Variants in TRAM1L1 observed in about 807,000 individuals in gnomAD.
TRAM1L1 encodes the protein translocation associated membrane protein 1 like 1.
For missense variants in TRAM1L1, 451 were observed against 439.9 expected (o/e 1.03, Z -0.23); for synonymous variants, 189 against 163.6 (o/e 1.16, Z -1.18).
At position 117,084,961 on chromosome 4, in the gene TRAM1L1, A is replaced by G. The variant is rs1732422648; in HGVS notation, c.433T>C (p.Cys145Arg). The change falls in exon 1 of 1, where the codon TGC becomes CGC. Residue 145 changes from cysteine to arginine, a missense_variant. Coordinates refer to ENST00000310754, the MANE Select transcript of TRAM1L1 (RefSeq NM_152402.3). ...CATATAAGAGTTGGGTCTGACAGGCAGTTTTCAGAGATTAAAATGAATGTG... is the reference window on the plus strand; with the variant it reads ...CATATAAGAGTTGGGTCTGACAGGCGGTTTTCAGAGATTAAAATGAATGTG... ...WGTFILISENCLSDPTLIWKA... is the reference protein window; with the variant it reads ...WGTFILISENRLSDPTLIWKA... The G allele has an allele frequency of 6.2e-7, 1 of 1,614,162 alleles. No individual in the cohort carries two copies. The highest frequency in any genetic ancestry group is 2.2e-5 in the East Asian group (1 of 44,856).
rs1212465011 is a variant in TRAM1L1, at chr4:117,084,580, C to T, written c.814G>A (p.Val272Ile). 3 of 1,614,214 alleles carry T rather than the reference C, an allele frequency of 1.9e-6. No individual in the cohort carries two copies. Among genetic ancestry groups the T allele is most frequent in the South Asian group, 2.2e-5 (2 of 91,084 alleles). ...TGCGATCCAGCCAGGTGAAACCCAA[C>T]AGTGAGTACGGAAACAATTAAAGTC... ...LVTLIVSVLT[V>I]GFHLAGSQNR... The change falls in exon 1 of 1, where the codon GTT becomes ATT. Residue 272 changes from valine to isoleucine, a missense_variant. Coordinates refer to ENST00000310754, the MANE Select transcript of TRAM1L1 (RefSeq NM_152402.3).
Position 117,084,766 on chromosome 4 carries a change from C to G in TRAM1L1, c.628G>C (p.Ala210Pro). 1 of 1,614,136 alleles carries G rather than the reference C, an allele frequency of 6.2e-7. No homozygotes were observed. Among genetic ancestry groups the G allele is most frequent in the Non-Finnish European group, 8.5e-7 (1 of 1,180,030 alleles). The change falls in exon 1 of 1, where the codon GCT becomes CCT. Residue 210 changes from alanine to proline, a missense_variant. Physicochemically the swap from Ala to Pro is conservative, Grantham distance 27. Transcript: ENST00000310754. Reference sequence around the variant, plus strand: ...AAATGATTCAAGTACAAGAGATAAGCTCCAGTAATGTGGAAGAGGTGAAGA... The same window carrying G: ...AAATGATTCAAGTACAAGAGATAAGGTCCAGTAATGTGGAAGAGGTGAAGA... The part of the protein sequence containing the change: ...IGLHLFHITG[A>P]YLLYLNHLGL...
Position 117,084,225 on chromosome 4 carries a change from A to C in TRAM1L1, c.*59T>G. 2.7e-6 allele frequency: 4 copies of C among 1,499,386 alleles called. No individual in the cohort carries two copies. Among genetic ancestry groups the C allele is most frequent in the Non-Finnish European group, 3.6e-6 (4 of 1,121,254 alleles). The allele number at this position is 1,499,386 out of a possible 1,614,324, so 92.9% of individuals were successfully genotyped here. On this transcript the variant is annotated 3_prime_UTR_variant, in exon 1 of 1. Transcript: ENST00000310754. ...TCAAAAACAGAAAAATCTCTAGTGC[A>C]GAAAGAAACCTCAAAGAGCAGATTC...
At position 117,085,216 on chromosome 4, in the gene TRAM1L1, G is replaced by C; in HGVS notation, c.178C>G (p.Pro60Ala). The change falls in exon 1 of 1, where the codon CCT (proline) becomes GCT (alanine). Residue 60 changes from proline (P) to alanine (A), a missense_variant. By Grantham distance (27) the Pro-to-Ala change is conservative (BLOSUM62 -1). Coordinates refer to ENST00000310754, the MANE Select transcript of TRAM1L1 (RefSeq NM_152402.3). ...CCCGTGGCTTGTTCCTCTGCTGCAG[G>C]GACAGCAACACTGTGCTGAAGAGTG... is the stretch of plus-strand genomic sequence containing the variant. ...FLTLQHSVAV[P>A]AAEEQATGSK... 1 of 1,614,068 alleles carries C rather than the reference G, an allele frequency of 6.2e-7. No individual in the cohort carries two copies. Among genetic ancestry groups the C allele is most frequent in the Non-Finnish European group, 8.5e-7 (1 of 1,180,014 alleles).
Position 117,084,478 on chromosome 4 carries a change from T to C in TRAM1L1, c.916A>G (p.Thr306Ala), listed in dbSNP as rs1303012910. 8 of 1,614,158 alleles carry C rather than the reference T, an allele frequency of 5.0e-6. No individual in the cohort carries two copies. Among genetic ancestry groups the C allele is most frequent in the Non-Finnish European group, 5.9e-6 (7 of 1,180,034 alleles). The part of the protein sequence containing the change: ...AKIAVLSSSC[T>A]IQAYVTWNLI... ...TTCCATGTTACGTAGGCTTGGATCG[T>C]GCAACTGGACGACAGAACAGCAATT... The change falls in exon 1 of 1, where the codon ACG (threonine) becomes GCG (alanine). Residue 306 changes from threonine (T) to alanine (A), a missense_variant. Thr to Ala is a moderately conservative substitution (Grantham distance 58, BLOSUM62 0). Transcript: ENST00000310754.
In TRAM1L1 at chr4:117,085,516, G is replaced by C; in HGVS notation, c.-123C>G. Reference sequence around the variant, plus strand: ...CTTCCCATCCCGAAGTCAGTCCCGGGTCGCAGCGGCCGCCCAGAAAAAAAA... The same window carrying C: ...CTTCCCATCCCGAAGTCAGTCCCGGCTCGCAGCGGCCGCCCAGAAAAAAAA... On this transcript the variant is annotated 5_prime_UTR_variant, in exon 1 of 1. Coordinates refer to ENST00000310754, the MANE Select transcript of TRAM1L1 (RefSeq NM_152402.3). 1.5e-6 allele frequency: 2 copies of C among 1,354,582 alleles called. No individual in the cohort carries two copies. Among genetic ancestry groups the C allele is most frequent in the Non-Finnish European group, 2.0e-6 (2 of 1,000,836 alleles). The allele number at this position is 1,354,582 out of a possible 1,614,324, so 83.9% of individuals were successfully genotyped here. A position where few individuals can be genotyped will look rare whatever the true frequency, so the allele number is the denominator to read the frequency against.
Position 117,084,486 on chromosome 4 carries a change from G to A in TRAM1L1, c.908C>T (p.Ser303Phe). 6.2e-7 allele frequency: 1 copy of A among 1,614,104 alleles called. No homozygotes were observed. Among genetic ancestry groups the A allele is most frequent in the Non-Finnish European group, 8.5e-7 (1 of 1,180,024 alleles). Residue 303 changes from serine to phenylalanine, a missense_variant, in exon 1 of 1, where the codon TCC (serine) becomes TTC (phenylalanine). Coordinates refer to ENST00000310754, the MANE Select transcript of TRAM1L1 (RefSeq NM_152402.3). ...TACGTAGGCTTGGATCGTGCAACTG[G>A]ACGACAGAACAGCAATTTTAGCTGC... ...VLAAKIAVLS[S>F]SCTIQAYVTW...
chr4:117,084,837 TG>T lies in TRAM1L1; in HGVS notation c.556del (p.Gln186ArgfsTer30). On this transcript the variant is annotated frameshift_variant, in exon 1 of 1. Transcript: ENST00000310754. LOFTEE classifies it low-confidence loss of function (END_TRUNC). ...WFHAFPELYFQKTKKQDIPRQ... is the reference protein window; with the variant it reads ...WFHAFPELYFXKTKKQDIPRQ... ...AGGGATGTCTTGTTTTTTGGTTTTC[TG>T]GAAGTAGAGTTCAGGAAAAGCATGA... 6.2e-7 allele frequency: 1 copy of T among 1,614,180 alleles called. No homozygotes were observed.
chr4:117,085,554 G>C lies in TRAM1L1; in HGVS notation c.-161C>G. On this transcript the variant is annotated 5_prime_UTR_variant, in exon 1 of 1. Transcript: ENST00000310754. ...CCCAGAAAAAAAATAAATCAAAGGC[G>C]AGGGCCGAGCTGAGCTGAGCATGCG... 1 of 994,306 alleles carries C rather than the reference G, an allele frequency of 1.0e-6. No homozygotes were observed. Among genetic ancestry groups the C allele is most frequent in the South Asian group, 1.7e-5 (1 of 57,628 alleles). The allele number at this position is 994,306 out of a possible 1,614,324, so 61.6% of individuals were successfully genotyped here. A position where few individuals can be genotyped will look rare whatever the true frequency, so the allele number is the denominator to read the frequency against.
At position 117,084,234 on chromosome 4, in the gene TRAM1L1, C is replaced by A; in HGVS notation, c.*50G>T. On this transcript the variant is annotated 3_prime_UTR_variant, in exon 1 of 1. Transcript: ENST00000310754. ...GAAAAATCTCTAGTGCAGAAAGAAA[C>A]CTCAAAGAGCAGATTCCTTTGCAGA... is the stretch of plus-strand genomic sequence containing the variant. 6.6e-7 allele frequency: 1 copy of A among 1,514,128 alleles called. No homozygotes were observed. Among genetic ancestry groups the A allele is most frequent in the Non-Finnish European group, 8.8e-7 (1 of 1,133,214 alleles). The allele number at this position is 1,514,128 out of a possible 1,614,324, so 93.8% of individuals were successfully genotyped here.
rs778613398 is a variant in TRAM1L1, at chr4:117,083,683, T to C, written c.*601A>G. The stretch of plus-strand genomic sequence containing the variant: ...ATATATGGCAGCAAACCTCCATATG[T>C]GTTACCCATTAGTACTGTGTTTTTT... On this transcript the variant is annotated 3_prime_UTR_variant, in exon 1 of 1. Transcript: ENST00000310754. The C allele has an allele frequency of 6.6e-6, 1 of 152,634 alleles. No homozygotes were observed. The highest frequency in any genetic ancestry group is 1.5e-5 in the Non-Finnish European group (1 of 68,032). 9.5% of individuals were successfully genotyped at this position (152,634 alleles called of 1,614,324 possible). A position where few individuals can be genotyped will look rare whatever the true frequency, so the allele number is the denominator to read the frequency against.
At position 117,084,869 on chromosome 4, in the gene TRAM1L1, G is replaced by A; in HGVS notation, c.525C>T (p.Tyr175=). 6.2e-7 allele frequency: 1 copy of A among 1,614,190 alleles called. No individual in the cohort carries two copies. Among genetic ancestry groups the A allele is most frequent in the Non-Finnish European group, 8.5e-7 (1 of 1,180,038 alleles). The change falls in exon 1 of 1, where the codon TAC becomes TAT. Residue 175 remains tyrosine, a synonymous_variant. Transcript: ENST00000310754. ...MKFFYISQLA[Y]WFHAFPELYF... ...AGAGTTCAGGAAAAGCATGAAACCA[G>A]TAAGCCAACTGGGATATGTAGAAAA... is the stretch of plus-strand genomic sequence containing the variant.
rs1380851334 is a variant in TRAM1L1, at chr4:117,085,011, A to T, written c.383T>A (p.Phe128Tyr). The T allele has an allele frequency of 4.3e-6, 7 of 1,613,994 alleles. No individual in the cohort carries two copies. The highest frequency in any genetic ancestry group is 5.9e-6 in the Non-Finnish European group (7 of 1,180,000). ...GCCCCAAATACAAGAAAAAAAGTAGAACACACTAAACTGACCAGACTCGTT... is the reference window on the plus strand; with the variant it reads ...GCCCCAAATACAAGAAAAAAAGTAGTACACACTAAACTGACCAGACTCGTT... ...KFNESGQFSV[F>Y]YFFSCIWGTF... Residue 128 changes from phenylalanine (F) to tyrosine (Y), a missense_variant, in exon 1 of 1, where the codon TTC (phenylalanine) becomes TAC (tyrosine). Coordinates refer to ENST00000310754, the MANE Select transcript of TRAM1L1 (RefSeq NM_152402.3).
rs750019732 is a variant in TRAM1L1 at position 117,085,217 on chromosome 4, G to T, written c.177C>A (p.Val59=). The change falls in exon 1 of 1, where the codon GTC becomes GTA. Residue 59 remains valine, a synonymous_variant. Coordinates refer to ENST00000310754, the MANE Select transcript of TRAM1L1 (RefSeq NM_152402.3). ...VFLTLQHSVA[V]PAAEEQATGS... is the part of the protein sequence containing the mutation. Reference sequence around the variant, plus strand: ...CCGTGGCTTGTTCCTCTGCTGCAGGGACAGCAACACTGTGCTGAAGAGTGA... The same window carrying T: ...CCGTGGCTTGTTCCTCTGCTGCAGGTACAGCAACACTGTGCTGAAGAGTGA... 6.2e-7 allele frequency: 1 copy of T among 1,613,964 alleles called. No individual in the cohort carries two copies. The highest frequency in any genetic ancestry group is 8.5e-7 in the Non-Finnish European group (1 of 1,180,008).
In TRAM1L1 at chr4:117,084,703, A is replaced by T; in HGVS notation, c.691T>A (p.Leu231Ile). Residue 231 changes from leucine to isoleucine, a missense_variant, in exon 1 of 1, where the codon TTA becomes ATA. Physicochemically the swap from Leu to Ile is conservative, Grantham distance 5. Coordinates refer to ENST00000310754, the MANE Select transcript of TRAM1L1 (RefSeq NM_152402.3). The part of the protein sequence containing the change: ...LLLVLHYFVE[L>I]LSHMCGLFYF... ...AACAGGCCGCACATGTGGGAAAGTA[A>T]TTCAACAAAATAATGCAGTACCAAA... 6.2e-7 allele frequency: 1 copy of T among 1,614,162 alleles called. No homozygotes were observed. Among genetic ancestry groups the T allele is most frequent in the Middle Eastern group, 1.6e-4 (1 of 6,062 alleles).
At position 117,085,568 on chromosome 4, in the gene TRAM1L1, G is replaced by A. The variant is rs939720388; in HGVS notation, c.-175C>T. ...AAATCAAAGGCGAGGGCCGAGCTGA[G>A]CTGAGCATGCGCACCAGGGGGACGG... On this transcript the variant is annotated 5_prime_UTR_variant, in exon 1 of 1. Coordinates refer to ENST00000310754, the MANE Select transcript of TRAM1L1 (RefSeq NM_152402.3). The A allele has an allele frequency of 1.2e-5, 10 of 830,990 alleles. No homozygotes were observed. The highest frequency in any genetic ancestry group is 1.7e-5 in the African/African-American group (1 of 57,892). The allele number at this position is 830,990 out of a possible 1,614,324, so 51.5% of individuals were successfully genotyped here.
In TRAM1L1 at chr4:117,083,949, G is replaced by A. The variant is rs1411111809; in HGVS notation, c.*335C>T. On this transcript the variant is annotated 3_prime_UTR_variant, in exon 1 of 1. Transcript: ENST00000310754. ...TATTATGAAACACTGGTGGGAGTAA[G>A]AACCAGTATCATTGATATGCAAAAT... 2 of 203,594 alleles carry A rather than the reference G, an allele frequency of 9.8e-6. No homozygotes were observed. Among genetic ancestry groups the A allele is most frequent in the Non-Finnish European group, 2.0e-5 (2 of 101,908 alleles). 12.6% of individuals were successfully genotyped at this position (203,594 alleles called of 1,614,324 possible). A position where few individuals can be genotyped will look rare whatever the true frequency, so the allele number is the denominator to read the frequency against.
At position 117,084,881 on chromosome 4, in the gene TRAM1L1, G is replaced by C. The variant is rs1212212822; in HGVS notation, c.513C>G (p.Ser171=). ...MTFQMKFFYI[S]QLAYWFHAFP... ...AAGCATGAAACCAGTAAGCCAACTG[G>C]GATATGTAGAAAAACTTCATTTGAA... The change falls in exon 1 of 1, where the codon TCC becomes TCG. Residue 171 remains serine (S), a synonymous_variant. Coordinates refer to ENST00000310754, the MANE Select transcript of TRAM1L1 (RefSeq NM_152402.3). 3.1e-6 allele frequency: 5 copies of C among 1,613,942 alleles called. No individual in the cohort carries two copies. The highest frequency in any genetic ancestry group is 4.2e-6 in the Non-Finnish European group (5 of 1,180,014).
Position 117,085,263 on chromosome 4 carries a change from G to A in TRAM1L1, c.131C>T (p.Ala44Val), listed in dbSNP as rs1451868491. 1.2e-6 allele frequency: 2 copies of A among 1,614,028 alleles called. No homozygotes were observed. The highest frequency in any genetic ancestry group is 2.7e-5 in the African/African-American group (2 of 74,912). The change falls in exon 1 of 1, where the codon GCA becomes GTA. Residue 44 changes from alanine to valine, a missense_variant. Ala to Val is a moderately conservative substitution (Grantham distance 64). Transcript: ENST00000310754. ...FLLGLVFEGT[A>V]EASIVFLTLQ... The stretch of plus-strand genomic sequence containing the variant: ...AGTGAGAAACACGATGGATGCTTCT[G>A]CTGTTCCCTCGAACACAAGCCCCAG...
Sources: gnomAD v4.1 joint callset for allele counts on GRCh38, gnomAD v4.1.1 for gene constraint, MANE v1.5 for transcripts, NCBI Gene and HGNC (gene_info 2026-07-23, HGNC 2026-07-21) for gene names.